NBPF26: variants seen among roughly 807,000 people sequenced by gnomAD.
NBPF26 encodes the protein NBPF member 26.
Under a neutral mutation model 119.6 loss-of-function variants are expected in NBPF26, and 79 were observed. The observed-to-expected ratio is 0.66, with a 90% CI of 0.55 to 0.80. The LOEUF is 0.80. Among genes scored for constraint, NBPF26 ranks in the 30% least tolerant of loss-of-function variants. The pLI, the probability that NBPF26 is intolerant of heterozygous loss-of-function variation, is 0.00. For missense variants in NBPF26, 800 were observed against 1,198.2 expected (o/e 0.67, Z 4.91); for synonymous variants, 299 against 457.7 (o/e 0.65, Z 4.43).
intron 2 of NBPF26, among the ~76,000 whole-genome samples, chr1:120,779,543 C>G: frequency 8.3e-6 from 1 of 120,350 alleles, no homozygotes; most frequent in African/African-American, 3.8e-5. Flanking sequence ...AATAAACTCC[C>G]TACAGGAGGG....
At chr1:120,817,379 C>T (rs1652032185) in intron 14 of NBPF26, among the ~76,000 whole-genome samples, 1 of 68,904 alleles carries the variant, frequency 1.5e-5, no homozygotes, top group East Asian at 3.3e-4. Context: ...CCTGTCAATG[C>T]AATGGCTGAT....
intron 25 of NBPF26, 53 bp from the exon 32 acceptor site, chr1:120,837,116 G>A: frequency 1.3e-4 from 1 of 7,694 alleles, no homozygotes; most frequent in Non-Finnish European, 2.0e-4. Flanking sequence ...AGCTGGAGCT[G>A]TGTGGTTTCT....
At chr1:120,805,795 G>A in intron 5 of NBPF26, 30 bp downstream of exon 5, 2 of 1,303,352 alleles carry the variant, frequency 1.5e-6, no homozygotes, top group East Asian at 4.6e-5. Context: ...CATCATGAAA[G>A]TGATGAATGA....
Position 120,793,138 on chromosome 1 carries a change from G to A in NBPF26, c.416-23G>A. 1.3e-5 allele frequency: 15 copies of A among 1,115,524 alleles called. 4 individuals carry two copies. Among genetic ancestry groups the A allele is most frequent in the South Asian group, 9.2e-5 (7 of 75,966 alleles). The allele number at this position is 1,115,524 out of a possible 1,614,324, so 69.1% of individuals were successfully genotyped here. ...ATCTCCTATTTCTGTGGCCAGTACTGAGTTTTGTTATCCTTCCTTTAGGTA... is the reference window on the plus strand; with the variant it reads ...ATCTCCTATTTCTGTGGCCAGTACTAAGTTTTGTTATCCTTCCTTTAGGTA... On this transcript the variant is annotated intron_variant, in intron 3 of 29. Coordinates refer to ENST00000620612, the Ensembl canonical transcript of NBPF26.
At position 120,790,560 on chromosome 1, in the gene NBPF26, C is replaced by CTTTCTTTCTTTCTTTCTTTA. The variant is rs1651478058; in HGVS notation, c.416-2582_416-2581insATTTCTTTCTTTCTTTCTTT. 3.0e-5 allele frequency among the ~76,000 whole-genome samples: 3 copies of CTTTCTTTCTTTCTTTCTTTA among 100,834 alleles called. 1 individual carries two copies. Among genetic ancestry groups the CTTTCTTTCTTTCTTTCTTTA allele is most frequent in the Non-Finnish European group, 5.5e-5 (3 of 54,912 alleles). The allele number at this position is 100,834 out of a possible 152,430, so 66.2% of individuals were successfully genotyped here. A position where few individuals can be genotyped will look rare whatever the true frequency, so the allele number is the denominator to read the frequency against. ...CCTTTCTTTCTTTCTTTCTTTCTTTCTTTCTTTCTTTCTTTCTTTCTTTCT... is the reference window on the plus strand; with the variant it reads ...CCTTTCTTTCTTTCTTTCTTTCTTTCTTTCTTTCTTTCTTTCTTTATTTCTTTCTTTCTTTCTTTCTTTCT... On this transcript the variant is annotated intron_variant, in intron 3 of 29. Coordinates refer to ENST00000620612, the Ensembl canonical transcript of NBPF26.
At chr1:120,803,515 C>T in intron 4 of NBPF26, among the ~76,000 whole-genome samples, 1 of 123,290 alleles carries the variant, frequency 8.1e-6, no homozygotes, top group East Asian at 2.0e-4. Flanking sequence ...GGTCCCAGTA[C>T]TCTAGAAGGG....
rs1553270918 is a variant in NBPF26 at position 120,811,121 on chromosome 1, G to A, written c.1564+563G>A. Among the ~76,000 whole-genome samples the A allele has an allele frequency of 1.3e-4, 14 of 106,494 alleles. 4 individuals are homozygous for A. The highest frequency in any genetic ancestry group is 2.3e-4 in the African/African-American group (4 of 17,436). 69.9% of individuals were successfully genotyped at this position (106,494 alleles called of 152,430 possible). On this transcript the variant is annotated intron_variant, in intron 9 of 29. Coordinates refer to ENST00000620612, the Ensembl canonical transcript of NBPF26. ...AAATTAGCTGGGTGTGGTGGTGGGT[G>A]CCTGTAGTCCCAGCTACTCAGGAGG...
intron 27 of NBPF26, among the ~76,000 whole-genome samples, chr1:120,838,506 C>G (rs1302744296): frequency 3.7e-5 from 3 of 80,388 alleles, no homozygotes; most frequent in African/African-American, 5.7e-5. Context: ...CTCTCTCTCT[C>G]TCTGTGTGTG....
At position 120,809,915 on chromosome 1, in the gene NBPF26, G is replaced by A. The variant is rs1553270750; in HGVS notation, c.1352+32G>A. 122 of 1,534,144 alleles carry A rather than the reference G, an allele frequency of 8.0e-5. No individual in the cohort carries two copies. In the East Asian group the frequency reaches 2.7e-3, roughly 34 times the overall value. On this transcript the variant is annotated intron_variant, in intron 8 of 29. Coordinates refer to ENST00000620612, the Ensembl canonical transcript of NBPF26. ...CTGAATACTCAGGAGCAAGTAATGGGTGGTAACATATGAAAATGTCTAGGA... is the reference window on the plus strand; with the variant it reads ...CTGAATACTCAGGAGCAAGTAATGGATGGTAACATATGAAAATGTCTAGGA...
rs1571030599 is a variant in NBPF26 at position 120,793,541 on chromosome 1, G to A, written c.751+45G>A. On this transcript the variant is annotated intron_variant, in intron 4 of 29. Transcript: ENST00000620612. Reference sequence around the variant, plus strand: ...CCCAGGATTAGGGGACAAACCCCTAGCACAGGAGGTAGTGGGTGTGGCTCA... The same window carrying A: ...CCCAGGATTAGGGGACAAACCCCTAACACAGGAGGTAGTGGGTGTGGCTCA... 9 of 1,104,534 alleles carry A rather than the reference G, an allele frequency of 8.1e-6. 1 individual carries two copies. In the East Asian group the frequency reaches 2.2e-4, roughly 27 times the overall value. 68.4% of individuals were successfully genotyped at this position (1,104,534 alleles called of 1,614,324 possible).
At chr1:120,840,865 G>A (rs1421627820), downstream of NBPF26, 140 of 498,392 alleles carry the variant, frequency 2.8e-4, 25 homozygotes, top group Non-Finnish European at 4.0e-4. Context: ...GTATCTCTGG[G>A]TAGCTACAAA....
At chr1:120,800,697 G>GTT (rs1237883134) in intron 4 of NBPF26, among the ~76,000 whole-genome samples, 1 of 17,624 alleles carries the variant, frequency 5.7e-5, no homozygotes, top group Non-Finnish European at 9.1e-5. Context: ...AATGTGAAGT[G>GTT]TTTATCTCAT....
Position 120,813,033 on chromosome 1 carries a change from T to C in NBPF26, c.1775-858T>C, listed in dbSNP as rs1358007809. ...CTGCTTCCTGGGGCACAGAGTCTTG[T>C]TGCTAAAGAGGAAGAAAGATCGCAC... is the stretch of plus-strand genomic sequence containing the variant. On this transcript the variant is annotated intron_variant, in intron 10 of 29. Coordinates refer to ENST00000620612, the Ensembl canonical transcript of NBPF26. 5.9e-5 allele frequency among the ~76,000 whole-genome samples: 7 copies of C among 119,220 alleles called. 2 individuals carry two copies. The highest frequency in any genetic ancestry group is 2.4e-4 in the Admixed American group (3 of 12,532). The allele number at this position is 119,220 out of a possible 152,430, so 78.2% of individuals were successfully genotyped here.
chr1:120,792,509 T>G (rs1651502832), intron 3 of NBPF26, among the ~76,000 whole-genome samples: 1 of 109,388 alleles, frequency 9.1e-6, no homozygotes. Flanking sequence ...GAAGTTGATT[T>G]TTTTTTTTTT....
At position 120,765,799 on chromosome 1, in the gene NBPF26, C is replaced by A. The variant is rs1163029240; in HGVS notation, c.155+2090C>A. ...TATACACGATGGAATACTATGCAGC[C>A]ATAAAAAAGAATGAGTTCATGTCCT... On this transcript the variant is annotated intron_variant, in intron 2 of 29. Transcript: ENST00000620612. 4.7e-5 allele frequency among the ~76,000 whole-genome samples: 6 copies of A among 128,140 alleles called. 1 individual carries two copies. The highest frequency in any genetic ancestry group is 3.1e-4 in the Admixed American group (4 of 12,924). 84.1% of individuals were successfully genotyped at this position (128,140 alleles called of 152,430 possible).
chr1:120,818,979 T>C (rs2101528477), intron 15 of NBPF26, among the ~76,000 whole-genome samples: 1 of 107,598 alleles, frequency 9.3e-6, no homozygotes, highest in African/African-American at 4.9e-5. Context: ...GAGAGTTCTG[T>C]AGATGTCTTT....
chr1:120,811,364 G>A lies in NBPF26; in HGVS notation c.1565-522G>A, dbSNP rs1291401955. On this transcript the variant is annotated intron_variant, in intron 9 of 29. Transcript: ENST00000620612. ...AGTTCAAAACCAGCCTGTCCAAGAT[G>A]GCGAAACCCCATCTCTACTAAAAAT... 1.8e-5 allele frequency among the ~76,000 whole-genome samples: 2 copies of A among 111,192 alleles called. 1 individual carries two copies. The highest frequency in any genetic ancestry group is 1.7e-4 in the Admixed American group (2 of 11,804). 72.9% of individuals were successfully genotyped at this position (111,192 alleles called of 152,430 possible).
At chr1:120,809,995 C>G in intron 8 of NBPF26, 112 bp downstream of exon 8, 1 of 1,436,454 alleles carries the variant, frequency 7.0e-7, no homozygotes, top group Non-Finnish European at 9.5e-7. Context: ...CCCTTGGCCA[C>G]AGTATGTGAA....
chr1:120,790,059 C>T (rs1335031069), intron 3 of NBPF26, among the ~76,000 whole-genome samples: 1 of 76,466 alleles, frequency 1.3e-5, no homozygotes, highest in Non-Finnish European at 2.2e-5. Flanking sequence ...CTTTGTCATC[C>T]AGGCTGGAGT....
Sources: gnomAD v4.1 joint callset for allele counts (sites outside exome capture counted in the v4.1 genomes callset) on GRCh38, gnomAD v4.1.1 for gene constraint, MANE v1.5 for transcripts, NCBI Gene and HGNC (gene_info 2026-07-23, HGNC 2026-07-21) for gene names.